DDX60L: variants seen among roughly 807,000 people sequenced by gnomAD.
The protein encoded by DDX60L is DExD/H-box 60 like.
In DDX60L, 191 loss-of-function variants were observed where a neutral mutation model predicts 211.6. The ratio of observed to expected loss-of-function variants is 0.90; its 90% confidence interval spans 0.80 to 1.02. The LOEUF (loss-of-function observed/expected upper bound fraction) is 1.02. Among genes scored for constraint, DDX60L ranks in the 50% least tolerant of loss-of-function variants. The pLI, the probability that DDX60L is intolerant of heterozygous loss-of-function variation, is 0.00. For missense variants in DDX60L, 2,007 were observed against 1,984.1 expected (o/e 1.01, Z -0.22); for synonymous variants, 706 against 694.1 (o/e 1.02, Z -0.27).
chr4:168,419,386 T>G lies in DDX60L; in HGVS notation c.2526A>C (p.Thr842=). 6.3e-7 allele frequency: 1 copy of G among 1,585,152 alleles called. No homozygotes were observed. The highest frequency in any genetic ancestry group is 8.6e-7 in the Non-Finnish European group (1 of 1,163,658). Residue 842 remains threonine (T), a synonymous_variant, in exon 19 of 38, where the codon ACA becomes ACC. Transcript: ENST00000682922. ...HNVLNCQVLI[T]VPECFEILLL... is the part of the protein sequence containing the mutation. ...ACAGGATTTCAAAACATTCCGGCAC[T>G]GTAATAAGTACCTACAAATATGAAT...
intron 13 of DDX60L, among the ~76,000 whole-genome samples, chr4:168,429,388 G>T (rs570434264): frequency 1.3e-5 from 2 of 152,264 alleles, no homozygotes; most frequent in Admixed American, 6.5e-5. Context: ...GACCTCAGGT[G>T]ATCCGCCCAC....
chr4:168,437,264 G>A (rs531720988), intron 10 of DDX60L, among the ~76,000 whole-genome samples: 11 of 152,238 alleles, frequency 7.2e-5, no homozygotes, highest in Non-Finnish European at 1.3e-4. Context: ...TTAGGGTGAG[G>A]CCTAATGTAA....
At chr4:168,415,603 G>A (rs1326025771) in intron 21 of DDX60L, 54 bp downstream of exon 21, 8 of 1,426,210 alleles carry the variant, frequency 5.6e-6, no homozygotes, top group African/African-American at 1.5e-5. Context: ...CCTATAAAAA[G>A]CTTTGTAGTA....
chr4:168,432,741 CA>C (rs1752534933), intron 11 of DDX60L, among the ~76,000 whole-genome samples, 171 bp from the exon 12 acceptor site: 1 of 151,584 alleles, frequency 6.6e-6, no homozygotes, highest in African/African-American at 2.4e-5. Flanking sequence ...ATTCCTGTAA[CA>C]GTCACATCCA....
chr4:168,424,028 A>C (rs1207227104), intron 14 of DDX60L, among the ~76,000 whole-genome samples: 1 of 152,238 alleles, frequency 6.6e-6, no homozygotes, highest in Non-Finnish European at 1.5e-5. Flanking sequence ...AAAAGAAAAG[A>C]AACAAACTTT....
At chr4:168,437,281 C>T (rs1376608599) in intron 10 of DDX60L, among the ~76,000 whole-genome samples, 1 of 152,082 alleles carries the variant, frequency 6.6e-6, no homozygotes, top group Non-Finnish European at 1.5e-5. Context: ...GTAATAACTG[C>T]TATTCTTACA....
chr4:168,377,040 C>T (rs1032659225), intron 33 of DDX60L, among the ~76,000 whole-genome samples: 8 of 152,124 alleles, frequency 5.3e-5, no homozygotes, highest in Admixed American at 4.6e-4. Flanking sequence ...CCTGTAATCC[C>T]ACCACTTTGG....
intron 29 of DDX60L, among the ~76,000 whole-genome samples, chr4:168,386,969 T>C (rs1163273166): frequency 6.6e-6 from 1 of 152,208 alleles, no homozygotes; most frequent in Non-Finnish European, 1.5e-5. Flanking sequence ...TATTTGACCC[T>C]AGAGTAGAAT....
At chr4:168,432,377 A>G in intron 12 of DDX60L, 78 bp downstream of exon 12, 1 of 543,400 alleles carries the variant, frequency 1.8e-6, no homozygotes, top group Non-Finnish European at 3.0e-6. Flanking sequence ...TTACAATGTA[A>G]TATCTTTTCA....
chr4:168,416,802 T>TA lies in DDX60L; in HGVS notation c.2611-6dup, dbSNP rs1456475581. The TA allele has an allele frequency of 2.0e-6, 3 of 1,485,102 alleles. No homozygotes were observed. Among genetic ancestry groups the TA allele is most frequent in the East Asian group, 2.4e-5 (1 of 41,880 alleles). The allele number at this position is 1,485,102 out of a possible 1,614,324, so 92.0% of individuals were successfully genotyped here. On this transcript the variant is annotated splice_region_variant and splice_polypyrimidine_tract_variant and intron_variant, in intron 19 of 37. Transcript: ENST00000682922. ...TTCTCTGCCAAGATAATGGACCTAG[T>TA]AAAGAAAAAAAAATCAGTTGAAAAG...
At chr4:168,410,738 G>A (rs937555422) in intron 22 of DDX60L, among the ~76,000 whole-genome samples, 3 of 152,100 alleles carry the variant, frequency 2.0e-5, no homozygotes, top group Admixed American at 6.5e-5. Context: ...TGAGATCTCC[G>A]AAAACTTCAT....
At chr4:168,442,678 C>G (rs867159232) in intron 9 of DDX60L, among the ~76,000 whole-genome samples, 7 of 151,684 alleles carry the variant, frequency 4.6e-5, no homozygotes, top group Admixed American at 4.6e-4. Context: ...AGCTGGAGAT[C>G]TGAGAACGGG....
At chr4:168,427,926 C>T (rs1751722654) in intron 13 of DDX60L, among the ~76,000 whole-genome samples, 1 of 152,186 alleles carries the variant, frequency 6.6e-6, no homozygotes, top group Non-Finnish European at 1.5e-5. Flanking sequence ...GCTCCTAGGC[C>T]TCACACTACC....
chr4:168,426,490 T>C (rs1240998289), intron 14 of DDX60L, among the ~76,000 whole-genome samples: 2 of 152,220 alleles, frequency 1.3e-5, no homozygotes, highest in Admixed American at 6.5e-5. Flanking sequence ...AAAACCTGCT[T>C]CTTTGCCCTG....
chr4:168,378,513 T>G, intron 32 of DDX60L, 38 bp from the exon 33 acceptor site: 1 of 1,447,584 alleles, frequency 6.9e-7, no homozygotes, highest in Non-Finnish European at 9.2e-7. Flanking sequence ...ATAAGAATAA[T>G]GTTGATTCCA....
chr4:168,399,523 G>C lies in DDX60L; in HGVS notation c.3491+1303C>G, dbSNP rs571205527. Among the ~76,000 whole-genome samples, 28 of 152,238 alleles carry C rather than the reference G, an allele frequency of 1.8e-4. 1 individual carries two copies. In the East Asian group the frequency reaches 5.0e-3, roughly 27 times the overall value. On this transcript the variant is annotated intron_variant, in intron 26 of 37. Transcript: ENST00000682922. Reference sequence around the variant, plus strand: ...GGTGCCATTGGCCACAGAGGTTTCCGGCCAGAAAAGCAACACCCGTAACAG... The same window carrying C: ...GGTGCCATTGGCCACAGAGGTTTCCCGCCAGAAAAGCAACACCCGTAACAG...
intron 33 of DDX60L, among the ~76,000 whole-genome samples, 173 bp downstream of exon 33, chr4:168,378,181 G>A (rs1237322069): frequency 6.6e-6 from 1 of 152,170 alleles, no homozygotes; most frequent in Non-Finnish European, 1.5e-5. Context: ...TAGATTAGCA[G>A]GGGAAGATGT....
At chr4:168,444,658 CAG>C in intron 9 of DDX60L, among the ~76,000 whole-genome samples, 1 of 133,248 alleles carries the variant, frequency 7.5e-6, no homozygotes, top group Non-Finnish European at 1.6e-5. Flanking sequence ...TGTAAAAGAA[CAG>C]AAATTATAAC....
Position 168,471,804 on chromosome 4 carries a change from T to C in DDX60L, c.207A>G (p.Glu69=), listed in dbSNP as rs752383231. Residue 69 remains glutamate, a synonymous_variant, in exon 4 of 38, where the codon GAA becomes GAG. Transcript: ENST00000682922. The part of the protein sequence containing the change: ...GQNLHFFYLV[E]CYLVDLLSNG... ...TACTCAGAAGATCCACAAGATAGCA[T>C]TCAACCAGATAGAAAAAGTGGAGAT... The C allele has an allele frequency of 3.1e-6, 5 of 1,613,694 alleles. No homozygotes were observed. The highest frequency in any genetic ancestry group is 1.1e-5 in the South Asian group (1 of 90,998).
Sources: gnomAD v4.1 joint callset for allele counts (sites outside exome capture counted in the v4.1 genomes callset) on GRCh38, gnomAD v4.1.1 for gene constraint, MANE v1.5 for transcripts, NCBI Gene and HGNC (gene_info 2026-07-23, HGNC 2026-07-21) for gene names.